Variants in LYN observed in about 807,000 individuals in gnomAD.
LYN encodes the protein LYN proto-oncogene, Src family tyrosine kinase, also known as tyrosine-protein kinase Lyn.
In LYN, 12 loss-of-function variants were observed where a neutral mutation model predicts 65.0. The ratio of observed to expected loss-of-function variants is 0.18; its 90% CI spans 0.12 to 0.30. The LOEUF is 0.30. Ranked by LOEUF, LYN falls within the 10% of genes least tolerant of loss-of-function variation. LYN has a pLI of 1.00. For synonymous variants in LYN, 222 were observed against 221.2 expected (o/e 1.00, Z -0.03); for missense variants, 380 against 623.2 (o/e 0.61, Z 4.16).
At chr8:55,970,010 A>C (rs1807568393) in intron 10 of LYN, among the ~76,000 whole-genome samples, 1 of 152,250 alleles carries the variant, frequency 6.6e-6, no homozygotes, top group African/African-American at 2.4e-5. Flanking sequence ...CCTGGATATC[A>C]TCTTCTATAA....
At chr8:55,980,395 G>A (rs1319153194) in intron 10 of LYN, 1 of 152,292 alleles carries the variant, frequency 6.6e-6, no homozygotes, top group African/African-American at 2.4e-5. Flanking sequence ...TCCACTCCCA[G>A]GAGTCACCAT....
chr8:55,965,170 C>G (rs983667537), intron 8 of LYN, among the ~76,000 whole-genome samples: 5 of 152,210 alleles, frequency 3.3e-5, no homozygotes, highest in African/African-American at 9.6e-5. Flanking sequence ...TTAAAGTGCT[C>G]AATCCCAGTC....
intron 2 of LYN, among the ~76,000 whole-genome samples, chr8:55,943,099 A>G (rs1367370833): frequency 1.3e-5 from 2 of 152,228 alleles, no homozygotes; most frequent in Non-Finnish European, 2.9e-5. Flanking sequence ...CTTGGCAAAG[A>G]AAGAACTAAC....
At chr8:55,944,396 C>T (rs1440865473) in intron 2 of LYN, among the ~76,000 whole-genome samples, 1 of 152,002 alleles carries the variant, frequency 6.6e-6, no homozygotes, top group Non-Finnish European at 1.5e-5. Context: ...TCAGAGTTCT[C>T]AAAAAAAGAT....
At chr8:56,008,124 A>AAAAT (rs1554519956) in intron 12 of LYN, among the ~76,000 whole-genome samples, 5 of 86,638 alleles carry the variant, frequency 5.8e-5, no homozygotes, top group African/African-American at 1.6e-4. Context: ...GCCTCAAAAA[A>AAAAT]AAAATAAAAT....
At chr8:55,939,299 T>G (rs1356933637) in intron 1 of LYN, among the ~76,000 whole-genome samples, 4 of 152,150 alleles carry the variant, frequency 2.6e-5, no homozygotes, top group African/African-American at 9.7e-5. Context: ...TGGCTTTAAT[T>G]TTTTCATTTA....
rs547465450 is a variant in LYN at position 55,915,779 on chromosome 8, A to AAG, written c.-5-26064_-5-26063dup. ...TAAAACATATGAAGCAGTGCTGCCA[A>AAG]AGAGAGAGAGAGAAAGAGAAGGAAA... On this transcript the variant is annotated intron_variant, in intron 1 of 12. Transcript: ENST00000519728. Among the ~76,000 whole-genome samples the AAG allele has an allele frequency of 4.6e-5, 7 of 151,914 alleles. No homozygotes were observed. The East Asian group carries it at 1.2e-3, about 25-fold the overall frequency.
At position 56,011,452 on chromosome 8, in the gene LYN, G is replaced by A. The variant is rs1051143216; in HGVS notation, c.*1342G>A. 22 of 205,006 alleles carry A rather than the reference G, an allele frequency of 1.1e-4. No homozygotes were observed. The highest frequency in any genetic ancestry group is 4.3e-4 in the African/African-American group (19 of 43,728). 12.7% of individuals were successfully genotyped at this position (205,006 alleles called of 1,614,324 possible). Reference sequence around the variant, plus strand: ...TAAAAATTGGTCATCAGCTGGGGGCGGGGTGGTTAGAAGTGATTCAACAGA... The same window carrying A: ...TAAAAATTGGTCATCAGCTGGGGGCAGGGTGGTTAGAAGTGATTCAACAGA... On this transcript the variant is annotated 3_prime_UTR_variant, in exon 13 of 13. Transcript: ENST00000519728.
intron 1 of LYN, among the ~76,000 whole-genome samples, chr8:55,895,366 T>C (rs1186875722): frequency 6.6e-6 from 1 of 152,200 alleles, no homozygotes; most frequent in Non-Finnish European, 1.5e-5. Context: ...CTGGATTCCT[T>C]ACTAATCTTG....
At chr8:55,942,964 T>A (rs72651493) in intron 2 of LYN, among the ~76,000 whole-genome samples, 12,261 of 152,248 alleles carry the variant, frequency 0.081, 685 homozygotes, top group Middle Eastern at 0.16. Context: ...GAAGTTGTCA[T>A]CTGTTATTTT....
chr8:55,918,486 C>T lies in LYN; in HGVS notation c.-5-23369C>T, dbSNP rs561942430. ...CAGGATTAAGAATCATTGCCTTCTG[C>T]ATCAACAGGACAAATACAAAATGTG... On this transcript the variant is annotated intron_variant, in intron 1 of 12. Transcript: ENST00000519728. Among the ~76,000 whole-genome samples, 433 of 152,310 alleles carry T rather than the reference C, an allele frequency of 2.8e-3. 1 individual carries two copies. The highest frequency in any genetic ancestry group is 4.0e-3 in the Non-Finnish European group (269 of 68,038).
At chr8:55,938,912 G>A (rs1806518406) in intron 1 of LYN, among the ~76,000 whole-genome samples, 1 of 152,246 alleles carries the variant, frequency 6.6e-6, no homozygotes, top group East Asian at 1.9e-4. Context: ...ACCTTTCTGA[G>A]CCTCAGTTTT....
chr8:55,948,584 C>A (rs1318601064), intron 4 of LYN, among the ~76,000 whole-genome samples: 5 of 152,188 alleles, frequency 3.3e-5, no homozygotes, highest in Admixed American at 1.3e-4. Flanking sequence ...ATAAGAAACT[C>A]CAGTTGCTTT....
chr8:55,992,170 G>A (rs551501315), intron 10 of LYN, among the ~76,000 whole-genome samples: 1 of 152,266 alleles, frequency 6.6e-6, no homozygotes, highest in South Asian at 2.1e-4. Flanking sequence ...TCACCCCTGG[G>A]CCTGACATTA....
intron 10 of LYN, among the ~76,000 whole-genome samples, chr8:55,971,673 G>T (rs973421936): frequency 2.0e-5 from 3 of 152,146 alleles, no homozygotes; most frequent in Non-Finnish European, 4.4e-5. Context: ...TGTCACATGG[G>T]TATTTTGTAT....
intron 1 of LYN, among the ~76,000 whole-genome samples, chr8:55,912,902 TC>T (rs1301221727): frequency 6.6e-6 from 1 of 152,038 alleles, no homozygotes; most frequent in Non-Finnish European, 1.5e-5. Context: ...AAAAGTTTAT[TC>T]CCCTTTACTT....
rs770520912 is a variant in LYN at position 55,950,685 on chromosome 8, T to C, written c.388T>C (p.Phe130Leu). 6.2e-7 allele frequency: 1 copy of C among 1,612,890 alleles called. No homozygotes were observed. Among genetic ancestry groups the C allele is most frequent in the South Asian group, 1.1e-5 (1 of 91,048 alleles). ...AATGTTGAAATGTCTTCACAGGTGG[T>C]TTTTCAAGGATATAACCAGGAAGGA... is the stretch of plus-strand genomic sequence containing the variant. ...KLNTLETEEWFFKDITRKDAE... is the reference protein window; with the variant it reads ...KLNTLETEEWLFKDITRKDAE... Residue 130 changes from phenylalanine to leucine, a missense_variant, in exon 6 of 13, where the codon TTT (phenylalanine) becomes CTT (leucine). Coordinates refer to ENST00000519728, the MANE Select transcript of LYN (RefSeq NM_002350.4).
intron 2 of LYN, among the ~76,000 whole-genome samples, chr8:55,942,455 A>G (rs950456629): frequency 1.3e-5 from 2 of 149,032 alleles, no homozygotes; most frequent in East Asian, 1.9e-4. Context: ...ATATATATAT[A>G]TATACACACA....
intron 10 of LYN, among the ~76,000 whole-genome samples, chr8:55,992,749 C>T (rs892310131): frequency 2.0e-5 from 3 of 152,118 alleles, no homozygotes; most frequent in African/African-American, 4.8e-5. Context: ...AAGATCAAGG[C>T]GCCAGTAGAT....
Sources: allele counts gnomAD v4.1 joint callset (sites outside exome capture counted in the v4.1 genomes callset), GRCh38; gene constraint gnomAD v4.1.1; transcripts MANE v1.5; gene names NCBI Gene and HGNC (gene_info 2026-07-23, HGNC 2026-07-21).